The following GPC6 variants were observed in gnomAD, a reference collection of about 807,000 sequenced individuals.
The protein encoded by GPC6 is glypican-6.
GPC6 carries 14 observed loss-of-function variants against 55.2 expected under a neutral mutation model. The observed-to-expected ratio is 0.25, with a 90% CI of 0.17 to 0.40. The LOEUF (loss-of-function observed/expected upper bound fraction) is 0.40, where lower values mean the gene tolerates loss of function less well. GPC6 is among the 10% of genes least tolerant of loss of function. GPC6 has a pLI of 1.00. For synonymous variants in GPC6, 278 were observed against 259.6 expected (o/e 1.07, Z -0.68); for missense variants, 641 against 708.5 (o/e 0.90, Z 1.08).
chr13:93,980,723 G>A (rs1292817576), intron 3 of GPC6, among the ~76,000 whole-genome samples: 3 of 152,158 alleles, frequency 2.0e-5, no homozygotes, highest in African/African-American at 7.2e-5. Context: ...CAGATCTCCT[G>A]TGTCTTTTGT....
At chr13:93,680,740 G>A (rs1166430468) in intron 2 of GPC6, among the ~76,000 whole-genome samples, 1 of 152,122 alleles carries the variant, frequency 6.6e-6, no homozygotes, top group Non-Finnish European at 1.5e-5. Context: ...GCCCAGATTC[G>A]ATTCTATGGC....
chr13:93,558,711 T>C (rs1435870831), intron 2 of GPC6, among the ~76,000 whole-genome samples: 1 of 152,156 alleles, frequency 6.6e-6, no homozygotes, highest in African/African-American at 2.4e-5. Context: ...ATAATTGAAT[T>C]GACTGTGGAG....
chr13:94,011,772 T>G (rs1882256148), intron 3 of GPC6, among the ~76,000 whole-genome samples: 1 of 152,202 alleles, frequency 6.6e-6, no homozygotes. Context: ...GCACTAGCTC[T>G]GTTGTACAGC....
chr13:93,766,945 A>T (rs1594439401), intron 2 of GPC6, among the ~76,000 whole-genome samples: 2 of 152,156 alleles, frequency 1.3e-5, no homozygotes, highest in East Asian at 3.9e-4. Context: ...TAATGGATTA[A>T]AAAACAAAAC....
chr13:93,946,930 T>A (rs1879035387), intron 3 of GPC6, among the ~76,000 whole-genome samples: 1 of 152,214 alleles, frequency 6.6e-6, no homozygotes, highest in South Asian at 2.1e-4. Context: ...TTGCCTGGAA[T>A]GAAAGGGTCC....
At chr13:93,828,004 ATT>A (rs60946886) in intron 2 of GPC6, among the ~76,000 whole-genome samples, 3 of 149,836 alleles carry the variant, frequency 2.0e-5, no homozygotes, top group Non-Finnish European at 3.0e-5. Context: ...GTATCAGAGA[ATT>A]TTTTTTTTTC....
chr13:93,884,258 A>G (rs1048569669), intron 3 of GPC6, among the ~76,000 whole-genome samples: 2 of 152,118 alleles, frequency 1.3e-5, no homozygotes, highest in African/African-American at 4.8e-5. Flanking sequence ...TTTAATCTCT[A>G]TCATGGCCGT....
At chr13:93,838,232 G>C (rs928056036) in intron 3 of GPC6, among the ~76,000 whole-genome samples, 1 of 152,152 alleles carries the variant, frequency 6.6e-6, no homozygotes, top group Non-Finnish European at 1.5e-5. Flanking sequence ...ATTATGAAAA[G>C]TCCAAGTGTA....
chr13:94,361,992 C>T (rs1879078261), intron 6 of GPC6, among the ~76,000 whole-genome samples: 2 of 152,160 alleles, frequency 1.3e-5, no homozygotes, highest in Admixed American at 1.3e-4. Context: ...CTAAGTTTTA[C>T]TGTTCTGGAT....
chr13:93,526,045 C>T (rs1184177846), intron 1 of GPC6, among the ~76,000 whole-genome samples: 1 of 151,964 alleles, frequency 6.6e-6, no homozygotes, highest in Non-Finnish European at 1.5e-5. Context: ...TGATATCTTG[C>T]CATGAATTAT....
At chr13:93,223,454 T>G (rs1040217413), upstream of GPC6, among the ~76,000 whole-genome samples, 4 of 150,908 alleles carry the variant, frequency 2.7e-5, no homozygotes, top group Non-Finnish European at 5.9e-5. Flanking sequence ...GTTTGTTTTG[T>G]TTTTTTTGAG....
intron 4 of GPC6, among the ~76,000 whole-genome samples, chr13:94,070,376 C>G (rs1318646151): frequency 6.6e-6 from 1 of 152,172 alleles, no homozygotes; most frequent in Non-Finnish European, 1.5e-5. Flanking sequence ...ACAGCCAAAC[C>G]ATATCAATGT....
chr13:93,979,755 G>C (rs1475473667), intron 3 of GPC6, among the ~76,000 whole-genome samples: 1 of 152,032 alleles, frequency 6.6e-6, no homozygotes, highest in African/African-American at 2.4e-5. Flanking sequence ...AATTTTAATA[G>C]CTGCCTCGTA....
At chr13:93,968,593 T>G (rs1303957710) in intron 3 of GPC6, among the ~76,000 whole-genome samples, 1 of 152,120 alleles carries the variant, frequency 6.6e-6, no homozygotes, top group Non-Finnish European at 1.5e-5. Flanking sequence ...AATCAAAGAC[T>G]TAGAGAAAAG....
intron 4 of GPC6, among the ~76,000 whole-genome samples, chr13:94,224,575 A>G (rs959251069): frequency 1.3e-5 from 2 of 152,148 alleles, no homozygotes; most frequent in East Asian, 3.9e-4. Flanking sequence ...CATAAGGTGG[A>G]TGGATGCCTG....
In GPC6 at chr13:93,653,574, C is replaced by T. The variant is rs543494260; in HGVS notation, c.319+108153C>T. On this transcript the variant is annotated intron_variant, in intron 2 of 8. Transcript: ENST00000377047. ...GTCAATAATCCTATGAAGTATATGGCCGTGTGTGTGTGTGTGTGTGTGTGT... is the reference window on the plus strand; with the variant it reads ...GTCAATAATCCTATGAAGTATATGGTCGTGTGTGTGTGTGTGTGTGTGTGT... 8.2e-5 allele frequency among the ~76,000 whole-genome samples: 5 copies of T among 60,936 alleles called. No individual in the cohort carries two copies. The East Asian group carries it at 2.1e-3, about 25-fold the overall frequency. The allele number at this position is 60,936 out of a possible 152,430, so 40.0% of individuals were successfully genotyped here. A position where few individuals can be genotyped will look rare whatever the true frequency, so the allele number is the denominator to read the frequency against.
At chr13:93,420,492 G>A (rs1181483296) in intron 1 of GPC6, among the ~76,000 whole-genome samples, 2 of 152,096 alleles carry the variant, frequency 1.3e-5, no homozygotes, top group Non-Finnish European at 2.9e-5. Flanking sequence ...GTTAAAAAGA[G>A]TGGGAATGAG....
chr13:93,912,689 G>A (rs956540574), intron 3 of GPC6, among the ~76,000 whole-genome samples: 12 of 152,310 alleles, frequency 7.9e-5, no homozygotes, highest in East Asian at 5.8e-4. Flanking sequence ...CTTGCAGTGA[G>A]CCGAGATTGC....
chr13:93,598,594 A>G (rs1168054266), intron 2 of GPC6, among the ~76,000 whole-genome samples: 4 of 152,234 alleles, frequency 2.6e-5, no homozygotes, highest in South Asian at 4.1e-4. Flanking sequence ...CAGCAATTTT[A>G]TGTGGTTGAA....
Sources: allele counts gnomAD v4.1 joint callset (sites outside exome capture counted in the v4.1 genomes callset), GRCh38; gene constraint gnomAD v4.1.1; transcripts MANE v1.5; gene names NCBI Gene and HGNC (gene_info 2026-07-23, HGNC 2026-07-21).